SLC30A8: variants seen among roughly 807,000 people sequenced by gnomAD.
SLC30A8 encodes solute carrier family 30 member 8, also known as proton-coupled zinc antiporter SLC30A8.
A neutral mutation model predicts 36.9 loss-of-function variants in SLC30A8; 27 were observed. The ratio of observed to expected loss-of-function variants is 0.73; its 90% CI spans 0.54 to 1.01. The LOEUF (loss-of-function observed/expected upper bound fraction) is 1.01. Among genes scored for constraint, SLC30A8 ranks in the 50% least tolerant of loss-of-function variants. The pLI is 0.00. For missense variants in SLC30A8, 439 were observed against 452.0 expected (o/e 0.97, Z 0.26); for synonymous variants, 164 against 172.4 (o/e 0.95, Z 0.38).
chr8:116,979,294 CT>C lies in SLC30A8; in HGVS notation c.-266+28179del, dbSNP rs984132549. On this transcript the variant is annotated intron_variant, in intron 1 of 10. Coordinates refer to the SLC30A8 transcript ENST00000427715. ...ACAAATCATAAAGATAATTGTGTCT[CT>C]TTTAAGCACTCATTCTAGGTGTGAC... Among the ~76,000 whole-genome samples the C allele has an allele frequency of 9.6e-5, 14 of 146,052 alleles. No homozygotes were observed. The South Asian group carries it at 2.3e-3, about 23-fold the overall frequency.
At chr8:117,001,930 C>T (rs1375341364) in intron 1 of SLC30A8, among the ~76,000 whole-genome samples, 1 of 152,162 alleles carries the variant, frequency 6.6e-6, no homozygotes, top group Non-Finnish European at 1.5e-5. Context: ...ATTCTCTAAA[C>T]AGAAGCTTAG....
chr8:117,074,068 G>T (rs1359736539), intron 2 of SLC30A8, among the ~76,000 whole-genome samples: 2 of 152,106 alleles, frequency 1.3e-5, no homozygotes, highest in Admixed American at 1.3e-4. Context: ...GTGACAGAAG[G>T]TGGAAGACTT....
At chr8:116,987,976 G>A (rs1380549772) in intron 1 of SLC30A8, among the ~76,000 whole-genome samples, 2 of 152,216 alleles carry the variant, frequency 1.3e-5, no homozygotes, top group East Asian at 1.9e-4. Context: ...TGGGATTACA[G>A]GCATGAGCCA....
chr8:116,954,828 AAG>A (rs1437908659), intron 1 of SLC30A8, among the ~76,000 whole-genome samples: 1 of 152,210 alleles, frequency 6.6e-6, no homozygotes, highest in Non-Finnish European at 1.5e-5. Context: ...ATAGCCAAAT[AAG>A]AGTAGAGATC....
chr8:117,152,838 TA>T, intron 2 of SLC30A8, 105 bp from the exon 3 acceptor site: 1 of 912,002 alleles, frequency 1.1e-6, no homozygotes, highest in Non-Finnish European at 1.6e-6. Flanking sequence ...CTTTTTCCTC[TA>T]AAGTTTTGTG....
rs145645361 is a variant in SLC30A8 at position 117,043,772 on chromosome 8, G to T, written c.-226+4514G>T. On this transcript the variant is annotated intron_variant, in intron 2 of 10. Transcript: ENST00000427715. ...ACCACCACCCTGGGTTGAAAATGGC[G>T]TACTGAAATCCACGTAAATGAGATA... Among the ~76,000 whole-genome samples, 41 of 152,272 alleles carry T rather than the reference G, an allele frequency of 2.7e-4. No homozygotes were observed. In the East Asian group the frequency reaches 7.7e-3, roughly 29 times the overall value.
At chr8:117,042,865 G>A (rs909983565) in intron 2 of SLC30A8, among the ~76,000 whole-genome samples, 3 of 152,180 alleles carry the variant, frequency 2.0e-5, no homozygotes, top group South Asian at 2.1e-4. Context: ...TAGTAGAGAC[G>A]GGTTTTCACC....
chr8:116,999,197 C>G (rs372326466), intron 1 of SLC30A8, among the ~76,000 whole-genome samples: 3 of 151,980 alleles, frequency 2.0e-5, no homozygotes, highest in African/African-American at 7.2e-5. Flanking sequence ...AGGCAGAGGT[C>G]GCAGTGAGCC....
intron 1 of SLC30A8, among the ~76,000 whole-genome samples, chr8:116,956,507 G>T (rs761590592): frequency 1.3e-5 from 2 of 152,110 alleles, no homozygotes; most frequent in Non-Finnish European, 2.9e-5. Context: ...ACTTTCTAGT[G>T]ATTCTTATCT....
At chr8:117,003,148 A>G (rs1020702069) in intron 1 of SLC30A8, among the ~76,000 whole-genome samples, 2 of 152,202 alleles carry the variant, frequency 1.3e-5, no homozygotes, top group African/African-American at 4.8e-5. Context: ...TATAAAATTC[A>G]AGGTCCACAT....
chr8:117,148,988 T>C (rs1429944459), intron 2 of SLC30A8, among the ~76,000 whole-genome samples: 1 of 152,140 alleles, frequency 6.6e-6, no homozygotes, highest in African/African-American at 2.4e-5. Flanking sequence ...TCCCAGGACA[T>C]CACCCTGTCT....
intron 1 of SLC30A8, among the ~76,000 whole-genome samples, chr8:116,968,878 A>T (rs1431906509): frequency 6.6e-6 from 1 of 152,122 alleles, no homozygotes; most frequent in Non-Finnish European, 1.5e-5. Flanking sequence ...CTGGGACTAC[A>T]GGCATGCACC....
intron 1 of SLC30A8, among the ~76,000 whole-genome samples, chr8:116,971,591 T>G (rs1441317157): frequency 1.5e-5 from 2 of 130,390 alleles, no homozygotes; most frequent in Non-Finnish European, 3.1e-5. Flanking sequence ...AGAGGAAACA[T>G]TTTTTTTTTT....
Position 117,050,639 on chromosome 8 carries a change from C to T in SLC30A8, c.-226+11381C>T, listed in dbSNP as rs945528539. Among the ~76,000 whole-genome samples the T allele has an allele frequency of 8.5e-5, 13 of 152,250 alleles. No individual in the cohort carries two copies. In the East Asian group the frequency reaches 2.5e-3, roughly 29 times the overall value. On this transcript the variant is annotated intron_variant, in intron 2 of 10. Transcript: ENST00000427715. ...AGGCTGGTCTCGAACTCCTGAACCT[C>T]AGGTGATCCGCCCTCTTTGGCCTCT...
intron 1 of SLC30A8, among the ~76,000 whole-genome samples, chr8:117,021,997 C>G (rs529355524): frequency 9.2e-4 from 139 of 151,604 alleles, no homozygotes; most frequent in African/African-American, 3.2e-3. Context: ...AATTGTTGTG[C>G]AAATGTAAAA....
chr8:116,960,664 C>A (rs1005014586), intron 1 of SLC30A8, among the ~76,000 whole-genome samples: 12 of 152,180 alleles, frequency 7.9e-5, no homozygotes, highest in Non-Finnish European at 1.8e-4. Context: ...ATTCATTCAA[C>A]TAATTGACTA....
At chr8:116,961,841 TG>T (rs1814434648) in intron 1 of SLC30A8, among the ~76,000 whole-genome samples, 1 of 151,884 alleles carries the variant, frequency 6.6e-6, no homozygotes, top group African/African-American at 2.4e-5. Flanking sequence ...CATAGCTCAC[TG>T]TAGCCTCAAA....
At chr8:117,007,646 A>C (rs1563745294) in intron 1 of SLC30A8, among the ~76,000 whole-genome samples, 1 of 152,138 alleles carries the variant, frequency 6.6e-6, no homozygotes, top group African/African-American at 2.4e-5. Context: ...GATAACACTA[A>C]AGGTTTTGCA....
intron 1 of SLC30A8, among the ~76,000 whole-genome samples, chr8:117,034,525 G>A (rs982577639): frequency 6.6e-6 from 1 of 152,140 alleles, no homozygotes; most frequent in South Asian, 2.1e-4. Context: ...CTACTTTATG[G>A]TTGGGGAAAC....
Sources: gnomAD v4.1 joint callset for allele counts (sites outside exome capture counted in the v4.1 genomes callset) on GRCh38, gnomAD v4.1.1 for gene constraint, MANE v1.5 for transcripts, NCBI Gene and HGNC (gene_info 2026-07-23, HGNC 2026-07-21) for gene names.